PLCE1: variants seen among roughly 807,000 people sequenced by gnomAD.
PLCE1 encodes the protein 1-phosphatidylinositol 4,5-bisphosphate phosphodiesterase epsilon-1.
A neutral mutation model predicts 242.8 loss-of-function variants in PLCE1; 119 were observed. The observed-to-expected ratio is 0.49, with a 90% confidence interval of 0.42 to 0.57. The LOEUF is 0.57. Ranked by LOEUF, PLCE1 falls within the 20% of genes least tolerant of loss-of-function variation. The pLI is 0.00. For missense variants in PLCE1, 2,441 were observed against 2,788.8 expected, an observed-to-expected ratio of 0.88 and a Z score of 2.81; for synonymous variants, 945 against 1,017.4, an observed-to-expected ratio of 0.93 and a Z score of 1.35.
chr10:94,248,168 C>T (rs2050753065), intron 8 of PLCE1, among the ~76,000 whole-genome samples: 1 of 152,156 alleles, frequency 6.6e-6, no homozygotes, highest in Non-Finnish European at 1.5e-5. Flanking sequence ...TTCCCTACAC[C>T]CATGTCACGA....
intron 2 of PLCE1, among the ~76,000 whole-genome samples, chr10:94,070,260 A>G (rs1287436612): frequency 1.3e-5 from 2 of 152,236 alleles, no homozygotes; most frequent in Admixed American, 6.5e-5. Context: ...CAATCAATCA[A>G]TAATCCCTTA....
chr10:93,998,411 T>C (rs139942493), intron 1 of PLCE1, among the ~76,000 whole-genome samples: 2 of 152,258 alleles, frequency 1.3e-5, no homozygotes, highest in East Asian at 3.9e-4. Context: ...TAATGATCTT[T>C]CCCCACCTGA....
In PLCE1 at chr10:94,287,750, G is replaced by C. The variant is rs537897217; in HGVS notation, c.5035+2785G>C. ...TCTAATAGAAAAAAAAAAGGATATG[G>C]TATTTTTATTTTATGACCCCATCAA... On this transcript the variant is annotated intron_variant, in intron 22 of 32. Coordinates refer to ENST00000371380, the MANE Select transcript of PLCE1 (RefSeq NM_016341.4). Among the ~76,000 whole-genome samples, 12 of 152,006 alleles carry C rather than the reference G, an allele frequency of 7.9e-5. No individual in the cohort carries two copies. In the East Asian group the frequency reaches 2.1e-3, roughly 27 times the overall value.
chr10:94,261,945 G>A (rs1252420044), intron 13 of PLCE1, among the ~76,000 whole-genome samples: 1 of 151,156 alleles, frequency 6.6e-6, no homozygotes, highest in Non-Finnish European at 1.5e-5. Context: ...ACATTTAGTT[G>A]CCATGTAATA....
At chr10:94,241,651 G>T (rs2050506920) in intron 7 of PLCE1, among the ~76,000 whole-genome samples, 1 of 152,116 alleles carries the variant, frequency 6.6e-6, no homozygotes, top group Non-Finnish European at 1.5e-5. Flanking sequence ...TTAGCCGGGT[G>T]TGGTGGCGGG....
intron 3 of PLCE1, among the ~76,000 whole-genome samples, chr10:94,142,137 T>G (rs1330259166): frequency 6.6e-6 from 1 of 152,178 alleles, no homozygotes; most frequent in Non-Finnish European, 1.5e-5. Context: ...CAGGTGATTG[T>G]ACCTCTAGGC....
chr10:94,105,950 A>C (rs2045716424), intron 2 of PLCE1: 1 of 152,214 alleles, frequency 6.6e-6, no homozygotes, highest in African/African-American at 2.4e-5. Flanking sequence ...TTCACACAAC[A>C]AACCTATAAG....
chr10:94,263,149 C>T (rs1354370933), intron 14 of PLCE1, among the ~76,000 whole-genome samples: 9 of 152,034 alleles, frequency 5.9e-5, no homozygotes, highest in African/African-American at 2.2e-4. Flanking sequence ...GGATTACAGG[C>T]GTGAGCCACT....
intron 3 of PLCE1, chr10:94,138,039 T>C: frequency 2.7e-6 from 1 of 375,286 alleles, no homozygotes; most frequent in East Asian, 6.8e-5. Flanking sequence ...GACTGTCCAG[T>C]ATTTCATGGC....
At chr10:94,009,416 T>G (rs1254706081) in intron 1 of PLCE1, among the ~76,000 whole-genome samples, 1 of 152,166 alleles carries the variant, frequency 6.6e-6, no homozygotes. Context: ...CAATTCAACA[T>G]GGGATTTGGA....
intron 1 of PLCE1, among the ~76,000 whole-genome samples, chr10:94,023,071 G>A (rs1334115828): frequency 6.6e-6 from 1 of 152,128 alleles, no homozygotes; most frequent in Non-Finnish European, 1.5e-5. Context: ...TGTGGTGGTG[G>A]AAGGTAGGAA....
At chr10:94,299,904 A>G (rs573344356) in intron 24 of PLCE1, among the ~76,000 whole-genome samples, 1 of 152,392 alleles carries the variant, frequency 6.6e-6, no homozygotes, top group African/African-American at 2.4e-5. Context: ...TACAAAGGTT[A>G]ACTATCATTG....
At chr10:94,041,806 G>A (rs1008686472) in intron 2 of PLCE1, among the ~76,000 whole-genome samples, 1 of 152,068 alleles carries the variant, frequency 6.6e-6, no homozygotes, top group African/African-American at 2.4e-5. Context: ...GGGTTTGGAA[G>A]GTGTTTGTCT....
chr10:94,166,572 GA>G (rs1187609726), intron 3 of PLCE1, among the ~76,000 whole-genome samples: 1 of 123,584 alleles, frequency 8.1e-6, no homozygotes, highest in Admixed American at 9.5e-5. Flanking sequence ...ACCCAGAAGA[GA>G]AAAAAGGTGT....
At chr10:94,244,448 G>A (rs370198164) in intron 7 of PLCE1, among the ~76,000 whole-genome samples, 10 of 152,334 alleles carry the variant, frequency 6.6e-5, no homozygotes, top group African/African-American at 2.4e-4. Context: ...TCTTGGGCAG[G>A]TTCCTGCCAA....
In PLCE1 at chr10:94,287,757, T is replaced by A. The variant is rs551364885; in HGVS notation, c.5035+2792T>A. On this transcript the variant is annotated intron_variant, in intron 22 of 32. Coordinates refer to ENST00000371380, the MANE Select transcript of PLCE1 (RefSeq NM_016341.4). ...GAAAAAAAAAAGGATATGGTATTTT[T>A]ATTTTATGACCCCATCAACCTAGTT... 1.3e-4 allele frequency among the ~76,000 whole-genome samples: 20 copies of A among 152,300 alleles called. No individual in the cohort carries two copies. The East Asian group carries it at 3.5e-3, about 26-fold the overall frequency.
At chr10:94,093,858 G>C (rs2045177976) in intron 2 of PLCE1, among the ~76,000 whole-genome samples, 1 of 151,020 alleles carries the variant, frequency 6.6e-6, no homozygotes, top group South Asian at 2.1e-4. Context: ...TACAGGGTTT[G>C]TCAGGGTCAA....
chr10:94,326,899 G>A (rs536698279), intron 32 of PLCE1, among the ~76,000 whole-genome samples: 58 of 152,168 alleles, frequency 3.8e-4, no homozygotes, highest in African/African-American at 1.3e-3. Flanking sequence ...AGTGGCTCAC[G>A]CCTGTAATCC....
At position 94,028,417 on chromosome 10, in the gene PLCE1, C is replaced by T. The variant is rs142649899; in HGVS notation, c.-364-2266C>T. 6.0e-3 allele frequency among the ~76,000 whole-genome samples: 911 copies of T among 152,218 alleles called. 2 individuals carry two copies. Among genetic ancestry groups the T allele is most frequent in the Middle Eastern group, 0.01 (3 of 294 alleles). On this transcript the variant is annotated intron_variant, in intron 1 of 32. Transcript: ENST00000371380. ...GGCAGCAGATTACCCCCAGAGCATG[C>T]GAGAGAGGAGTAGCAAGGAGGAAGC...
Sources: gnomAD v4.1 joint callset for allele counts (sites outside exome capture counted in the v4.1 genomes callset) on GRCh38, gnomAD v4.1.1 for gene constraint, MANE v1.5 for transcripts, NCBI Gene and HGNC (gene_info 2026-07-23, HGNC 2026-07-21) for gene names.